Variants in TLK2 observed in about 807,000 individuals in gnomAD.
TLK2 encodes serine/threonine-protein kinase tousled-like 2.
Under a neutral mutation model 117.3 loss-of-function variants are expected in TLK2, and 6 were observed. That is an observed-to-expected ratio of 0.05 (90% CI 0.03 to 0.10). The LOEUF is 0.10. Ranked by LOEUF, TLK2 falls within the 10% of genes least tolerant of loss-of-function variation. The probability of loss-of-function intolerance (pLI) is 1.00; values close to 1 mark genes in which losing one functional copy is unlikely to be tolerated. For synonymous variants in TLK2, 257 were observed against 316.7 expected (o/e 0.81, Z 2.00); for missense variants, 299 against 901.2 (o/e 0.33, Z 8.56).
At chr17:62,555,018 A>G (rs1203817285) in intron 9 of TLK2, among the ~76,000 whole-genome samples, 5 of 151,656 alleles carry the variant, frequency 3.3e-5, no homozygotes, top group Admixed American at 2.6e-4. Context: ...GTGTGTGTAT[A>G]TATACACACA....
chr17:62,547,766 AG>A (rs1318031219), intron 7 of TLK2, among the ~76,000 whole-genome samples: 1 of 152,158 alleles, frequency 6.6e-6, no homozygotes, highest in East Asian at 1.9e-4. Context: ...AAATCTGTAA[AG>A]GGCCTTTGGA....
chr17:62,593,701 C>T (rs1229159840), intron 16 of TLK2, among the ~76,000 whole-genome samples: 1 of 151,760 alleles, frequency 6.6e-6, no homozygotes, highest in Admixed American at 6.6e-5. Flanking sequence ...GATAACAATG[C>T]CTTTTCCTGG....
chr17:62,578,987 G>T (rs2081019017), intron 14 of TLK2, among the ~76,000 whole-genome samples: 1 of 152,134 alleles, frequency 6.6e-6, no homozygotes, highest in Non-Finnish European at 1.5e-5. Context: ...ACCTTTAAGG[G>T]CTATTCAGGT....
chr17:62,587,530 T>G (rs999155924), intron 16 of TLK2, among the ~76,000 whole-genome samples: 2 of 152,212 alleles, frequency 1.3e-5, no homozygotes, highest in Non-Finnish European at 1.5e-5. Flanking sequence ...TCTTGCTCTA[T>G]ACCTCTTGTT....
intron 2 of TLK2, among the ~76,000 whole-genome samples, chr17:62,491,041 G>C (rs2073060467): frequency 1.3e-5 from 2 of 152,264 alleles, no homozygotes; most frequent in Admixed American, 6.5e-5. Context: ...CAGCAGAAGT[G>C]ATTTTTTTGA....
intron 21 of TLK2, 52 bp from the exon 22 acceptor site, chr17:62,612,340 C>T (rs1256603631): frequency 1.3e-6 from 2 of 1,582,586 alleles, no homozygotes; most frequent in Admixed American, 1.7e-5. Context: ...AGGGTTCCCT[C>T]CAGGGGTGCC....
intron 8 of TLK2, among the ~76,000 whole-genome samples, chr17:62,552,640 T>C (rs921052900): frequency 6.6e-6 from 1 of 151,978 alleles, no homozygotes; most frequent in African/African-American, 2.4e-5. Flanking sequence ...TGCTAAAGCA[T>C]GGTGTTAAGG....
At chr17:62,558,577 T>G (rs2079032391) in intron 9 of TLK2, among the ~76,000 whole-genome samples, 1 of 152,230 alleles carries the variant, frequency 6.6e-6, no homozygotes, top group Admixed American at 6.5e-5. Flanking sequence ...TTTCATACAT[T>G]TGATTATAGA....
intron 2 of TLK2, among the ~76,000 whole-genome samples, chr17:62,511,144 A>G (rs1162690517): frequency 6.6e-6 from 1 of 152,152 alleles, no homozygotes; most frequent in Non-Finnish European, 1.5e-5. Flanking sequence ...TACATGAATC[A>G]TTTGTGTGTG....
intron 2 of TLK2, among the ~76,000 whole-genome samples, chr17:62,510,757 G>T (rs911444141): frequency 1.2e-4 from 18 of 151,984 alleles, no homozygotes; most frequent in Admixed American, 5.9e-4. Flanking sequence ...ATGGATTTAC[G>T]CTTCTATCTC....
At chr17:62,502,509 C>G (rs1050886541) in intron 2 of TLK2, among the ~76,000 whole-genome samples, 8 of 152,084 alleles carry the variant, frequency 5.3e-5, no homozygotes, top group African/African-American at 1.4e-4. Flanking sequence ...TTTTCGCAAC[C>G]TCTATTAAAC....
intron 10 of TLK2, 125 bp downstream of exon 10, chr17:62,560,251 G>A: frequency 1.4e-6 from 1 of 709,610 alleles, no homozygotes; most frequent in Non-Finnish European, 2.1e-6. Flanking sequence ...AACATGATTT[G>A]ACAATTAGAA....
At chr17:62,558,754 T>G (rs1230979346) in intron 9 of TLK2, among the ~76,000 whole-genome samples, 2 of 152,174 alleles carry the variant, frequency 1.3e-5, no homozygotes, top group Non-Finnish European at 2.9e-5. Context: ...AGGAAGAAAT[T>G]ATGCTGATGG....
rs2080510012 is a variant in TLK2 at position 62,573,746 on chromosome 17, TGC to T, written c.1121+380_1121+381del. 2.6e-5 allele frequency among the ~76,000 whole-genome samples: 4 copies of T among 152,348 alleles called. No individual in the cohort carries two copies. The South Asian group carries it at 8.3e-4, about 32-fold the overall frequency. Reference sequence around the variant, plus strand: ...CTGGCTGTTATTTCAGACTGAAGAATGCTCTTTACTGGTCAAAAGAGCACTTA... The same window carrying T: ...CTGGCTGTTATTTCAGACTGAAGAATTCTTTACTGGTCAAAAGAGCACTTA... On this transcript the variant is annotated intron_variant, in intron 12 of 21. Coordinates refer to ENST00000346027, the MANE Select transcript of TLK2 (RefSeq NM_006852.6).
At chr17:62,530,887 CTTTCTTTTTT>C (rs1288914264) in intron 6 of TLK2, among the ~76,000 whole-genome samples, 1 of 152,056 alleles carries the variant, frequency 6.6e-6, no homozygotes, top group Admixed American at 6.6e-5. Context: ...TTTAGGTTCG[CTTTCTTTTTT>C]TTTCTTTTAA....
intron 2 of TLK2, among the ~76,000 whole-genome samples, chr17:62,515,232 G>C (rs1238453977): frequency 2.0e-5 from 3 of 152,196 alleles, no homozygotes. Context: ...TTCATATGTT[G>C]ATGGATATTT....
At chr17:62,473,033 C>T (rs367832287) in intron 1 of TLK2, among the ~76,000 whole-genome samples, 6 of 152,320 alleles carry the variant, frequency 3.9e-5, no homozygotes, top group African/African-American at 1.4e-4. Flanking sequence ...AAGCCCCCAA[C>T]CCACTCTCAT....
intron 14 of TLK2, 61 bp downstream of exon 14, chr17:62,578,635 A>C: frequency 1.6e-6 from 2 of 1,259,446 alleles, no homozygotes; most frequent in Non-Finnish European, 2.3e-6. Context: ...TATGAATTGA[A>C]TGGTCTAGAA....
chr17:62,541,523 A>G (rs986393518), intron 7 of TLK2, among the ~76,000 whole-genome samples: 1 of 152,254 alleles, frequency 6.6e-6, no homozygotes, highest in African/African-American at 2.4e-5. Flanking sequence ...GTGTTGATAA[A>G]AATAGCAGGT....
Sources: allele counts gnomAD v4.1 joint callset (sites outside exome capture counted in the v4.1 genomes callset), GRCh38; gene constraint gnomAD v4.1.1; transcripts MANE v1.5; gene names NCBI Gene and HGNC (gene_info 2026-07-23, HGNC 2026-07-21).